The following TMEM232 variants were observed in gnomAD, a reference collection of about 807,000 sequenced individuals.
TMEM232 encodes the protein transmembrane protein 232.
Under a neutral mutation model 78.8 loss-of-function variants are expected in TMEM232, and 80 were observed. The ratio of observed to expected loss-of-function variants is 1.01; its 90% CI spans 0.85 to 1.22. The LOEUF (loss-of-function observed/expected upper bound fraction) is 1.22, where lower values mean the gene tolerates loss of function less well. Among genes scored for constraint, TMEM232 ranks in the 50% most tolerant of loss-of-function variants. The pLI is 0.00. For missense variants in TMEM232, 881 were observed against 742.2 expected (o/e 1.19, Z -2.17); for synonymous variants, 297 against 254.3 (o/e 1.17, Z -1.60).
intron 12 of TMEM232, among the ~76,000 whole-genome samples, chr5:110,466,805 C>T (rs1018430769): frequency 4.6e-5 from 7 of 151,620 alleles, no homozygotes; most frequent in Admixed American, 3.3e-4. Flanking sequence ...TTAGTAGAGA[C>T]GGGGTTTCGC....
intron 12 of TMEM232, among the ~76,000 whole-genome samples, chr5:110,492,549 C>A (rs746696247): frequency 6.6e-6 from 1 of 151,848 alleles, no homozygotes; most frequent in African/African-American, 2.4e-5. Flanking sequence ...ATCACATCTA[C>A]CAAAATACTA....
chr5:110,627,165 C>A (rs1784518417), intron 6 of TMEM232, among the ~76,000 whole-genome samples: 1 of 152,042 alleles, frequency 6.6e-6, no homozygotes, highest in African/African-American at 2.4e-5. Context: ...TATTACTCAA[C>A]ATGCAAAACT....
At chr5:110,691,310 T>C (rs1794094791) in intron 1 of TMEM232, among the ~76,000 whole-genome samples, 1 of 152,218 alleles carries the variant, frequency 6.6e-6, no homozygotes, top group South Asian at 2.1e-4. Context: ...TAAATCCCTG[T>C]TCTGGCATAC....
chr5:110,729,677 C>A (rs1016850544), upstream of TMEM232, among the ~76,000 whole-genome samples: 8 of 152,306 alleles, frequency 5.3e-5, no homozygotes, highest in Non-Finnish European at 1.0e-4. Context: ...AATAACTGTG[C>A]CTTGGGCCAT....
intron 12 of TMEM232, among the ~76,000 whole-genome samples, chr5:110,432,227 C>T (rs1038235050): frequency 1.9e-4 from 29 of 151,430 alleles, no homozygotes; most frequent in African/African-American, 6.3e-4. Flanking sequence ...TTAAAGGTAG[C>T]GAGCAAAAAG....
chr5:110,679,488 A>G (rs1392070188), intron 1 of TMEM232, among the ~76,000 whole-genome samples: 1 of 152,034 alleles, frequency 6.6e-6, no homozygotes. Flanking sequence ...TTCTCATTTT[A>G]TTGGGATTGT....
chr5:110,404,620 A>T (rs543148368), intron 2 of TMEM232, among the ~76,000 whole-genome samples: 1 of 152,182 alleles, frequency 6.6e-6, no homozygotes, highest in Non-Finnish European at 1.5e-5. Context: ...CTTCCAGTTT[A>T]TATGAAGAAG....
intron 12 of TMEM232, among the ~76,000 whole-genome samples, chr5:110,470,807 A>G (rs1762586613): frequency 6.6e-6 from 1 of 152,232 alleles, no homozygotes; most frequent in South Asian, 2.1e-4. Context: ...ACAGACATCA[A>G]CACAGAGACA....
chr5:110,545,142 T>C (rs1424567717), intron 11 of TMEM232, among the ~76,000 whole-genome samples: 2 of 152,114 alleles, frequency 1.3e-5, no homozygotes, highest in African/African-American at 4.8e-5. Flanking sequence ...CAATAAATGT[T>C]AGTTCCTTGT....
chr5:110,446,911 T>C (rs996885859), intron 12 of TMEM232, among the ~76,000 whole-genome samples: 1 of 151,854 alleles, frequency 6.6e-6, no homozygotes, highest in African/African-American at 2.4e-5. Flanking sequence ...AGAATCTATA[T>C]GTTCTATGTG....
intron 12 of TMEM232, among the ~76,000 whole-genome samples, chr5:110,475,648 T>C (rs985176038): frequency 6.6e-6 from 1 of 151,764 alleles, no homozygotes; most frequent in African/African-American, 2.4e-5. Flanking sequence ...GATAGAGCTA[T>C]AAGTACAAGG....
intron 12 of TMEM232, among the ~76,000 whole-genome samples, chr5:110,521,175 C>G (rs1018536675): frequency 1.3e-5 from 2 of 152,196 alleles, no homozygotes; most frequent in South Asian, 4.1e-4. Context: ...GACCTCTCAT[C>G]CCCCAAGACC....
chr5:110,600,126 A>G (rs1011890178), intron 10 of TMEM232, among the ~76,000 whole-genome samples: 1 of 152,072 alleles, frequency 6.6e-6, no homozygotes, highest in Admixed American at 6.6e-5. Flanking sequence ...ACAACAAAGG[A>G]ACAATGTACC....
At chr5:110,598,586 C>T (rs546532916) in intron 10 of TMEM232, among the ~76,000 whole-genome samples, 28 of 151,986 alleles carry the variant, frequency 1.8e-4, no homozygotes, top group Non-Finnish European at 3.8e-4. Flanking sequence ...GCACTATTCA[C>T]AATGGCAAAG....
At position 110,506,666 on chromosome 5, in the gene TMEM232, T is replaced by C. The variant is rs191552200; in HGVS notation, c.1703+21922A>G. Among the ~76,000 whole-genome samples the C allele has an allele frequency of 4.6e-5, 7 of 152,286 alleles. No homozygotes were observed. The East Asian group carries it at 1.2e-3, about 25-fold the overall frequency. On this transcript the variant is annotated intron_variant, in intron 12 of 13. Transcript: ENST00000455884. The stretch of plus-strand genomic sequence containing the variant: ...ACAATTACAGGTGAAATATAAGGAA[T>C]CACTTTGTGACAGTGAGGCTTGTTC...
At chr5:110,484,272 C>A (rs1249587866) in intron 12 of TMEM232, among the ~76,000 whole-genome samples, 2 of 151,964 alleles carry the variant, frequency 1.3e-5, no homozygotes, top group Non-Finnish European at 2.9e-5. Flanking sequence ...ACCCATTAAA[C>A]AAACCTGCAC....
At position 110,605,251 on chromosome 5, in the gene TMEM232, T is replaced by TCG; in HGVS notation, c.1132_1133dup (p.Lys379GlufsTer5). The stretch of plus-strand genomic sequence containing the variant: ...GACAGAAACCAATTAAAGCAGTTTT[T>TCG]CGCAAATCAGAAGTGGCTGCATACA... On this transcript the variant is annotated frameshift_variant, in exon 10 of 14. Coordinates refer to ENST00000455884, the MANE Select transcript of TMEM232 (RefSeq NM_001039763.4). LOFTEE classifies it high-confidence loss of function. 6.4e-7 allele frequency: 1 copy of TCG among 1,551,296 alleles called. No homozygotes were observed. The highest frequency in any genetic ancestry group is 1.2e-5 in the South Asian group (1 of 84,062).
At chr5:110,498,159 C>T (rs1183672394) in intron 12 of TMEM232, among the ~76,000 whole-genome samples, 1 of 152,006 alleles carries the variant, frequency 6.6e-6, no homozygotes, top group Admixed American at 6.6e-5. Flanking sequence ...AGCATTTATA[C>T]TCCCTAATAT....
chr5:110,598,379 G>A (rs1780453307), intron 10 of TMEM232, among the ~76,000 whole-genome samples: 1 of 152,200 alleles, frequency 6.6e-6, no homozygotes, highest in South Asian at 2.1e-4. Context: ...TGGAGAGGCT[G>A]TGAAGAAATA....
Sources: gnomAD v4.1 joint callset for allele counts (sites outside exome capture counted in the v4.1 genomes callset) on GRCh38, gnomAD v4.1.1 for gene constraint, MANE v1.5 for transcripts, NCBI Gene and HGNC (gene_info 2026-07-23, HGNC 2026-07-21) for gene names.